Variants in PCCA observed in about 807,000 individuals in gnomAD.
PCCA encodes the protein propionyl-CoA carboxylase alpha chain, mitochondrial.
In PCCA, 74 loss-of-function variants were observed where a neutral mutation model predicts 101.3. The observed-to-expected ratio is 0.73, with a 90% confidence interval of 0.61 to 0.89. The LOEUF is 0.89. PCCA is among the 40% of genes least tolerant of loss of function. The probability of loss-of-function intolerance (pLI) is 0.00; values close to 1 mark genes in which losing one functional copy is unlikely to be tolerated. For missense variants in PCCA, 891 were observed against 907.0 expected, an observed-to-expected ratio of 0.98 and a Z score of 0.23; for synonymous variants, 294 against 313.6, an observed-to-expected ratio of 0.94 and a Z score of 0.66.
At chr13:100,375,286 A>G (rs1212448214) in intron 19 of PCCA, among the ~76,000 whole-genome samples, 4 of 152,256 alleles carry the variant, frequency 2.6e-5, no homozygotes, top group Middle Eastern at 3.4e-3. Flanking sequence ...TTTACTTCCA[A>G]TTAGGTGGTC....
intron 1 of PCCA, among the ~76,000 whole-genome samples, chr13:100,092,167 G>A (rs2046339582): frequency 6.6e-6 from 1 of 151,886 alleles, no homozygotes; most frequent in African/African-American, 2.4e-5. Flanking sequence ...CCACTGCCTT[G>A]GCCTCCCAAA....
At chr13:100,457,807 T>C (rs111812849) in intron 21 of PCCA, among the ~76,000 whole-genome samples, 96 of 152,278 alleles carry the variant, frequency 6.3e-4, no homozygotes, top group African/African-American at 2.1e-3. Flanking sequence ...GTGTGTCACT[T>C]TTGGTCAGAG....
chr13:100,473,841 T>C (rs2152958384), intron 21 of PCCA, among the ~76,000 whole-genome samples: 1 of 152,370 alleles, frequency 6.6e-6, no homozygotes, highest in African/African-American at 2.4e-5. Flanking sequence ...AGGGGAGACA[T>C]CTCTGGCTTA....
rs1421461379 is a variant in PCCA, at chr13:100,530,239, C to G, written c.*73C>G. ...ATGATGCTTTCACACACAATTGATT[C>G]AAGCATTATACAGGAACACCCCTGT... On this transcript the variant is annotated 3_prime_UTR_variant, in exon 24 of 24. Coordinates refer to ENST00000376285, the MANE Select transcript of PCCA (RefSeq NM_000282.4). The G allele has an allele frequency of 1.4e-5, 17 of 1,202,580 alleles. No homozygotes were observed. The highest frequency in any genetic ancestry group is 2.0e-5 in the Non-Finnish European group (16 of 808,660). The allele number at this position is 1,202,580 out of a possible 1,614,324, so 74.5% of individuals were successfully genotyped here. A position where few individuals can be genotyped will look rare whatever the true frequency, so the allele number is the denominator to read the frequency against.
chr13:100,387,963 C>T (rs187881333), intron 19 of PCCA, among the ~76,000 whole-genome samples: 417 of 152,272 alleles, frequency 2.7e-3, no homozygotes, highest in African/African-American at 9.2e-3. Context: ...TGTTATATTA[C>T]AGTTGGCAAA....
At chr13:100,195,928 A>G (rs553183767) in intron 6 of PCCA, among the ~76,000 whole-genome samples, 38 of 152,232 alleles carry the variant, frequency 2.5e-4, no homozygotes, top group South Asian at 1.9e-3. Context: ...TTTACAATCA[A>G]TGAGACTCTG....
At chr13:100,392,604 T>A (rs940978033) in intron 19 of PCCA, among the ~76,000 whole-genome samples, 1 of 152,328 alleles carries the variant, frequency 6.6e-6, no homozygotes, top group Admixed American at 6.5e-5. Flanking sequence ...AGAAATTTAA[T>A]CTCTTCTATA....
chr13:100,341,538 C>G (rs1234384954), intron 18 of PCCA, among the ~76,000 whole-genome samples: 1 of 152,136 alleles, frequency 6.6e-6, no homozygotes, highest in Non-Finnish European at 1.5e-5. Flanking sequence ...TCCATAGCCA[C>G]GCGTGGTTAG....
At chr13:100,356,070 A>C (rs1032194894) in intron 18 of PCCA, among the ~76,000 whole-genome samples, 3 of 152,154 alleles carry the variant, frequency 2.0e-5, no homozygotes, top group African/African-American at 7.2e-5. Context: ...GCACATGTAA[A>C]AGAATGAAGT....
chr13:100,110,206 C>T (rs2048186014), intron 2 of PCCA, among the ~76,000 whole-genome samples: 1 of 152,202 alleles, frequency 6.6e-6, no homozygotes, highest in Non-Finnish European at 1.5e-5. Flanking sequence ...ATAACTCTAA[C>T]TCTTCTTTTA....
intron 8 of PCCA, among the ~76,000 whole-genome samples, chr13:100,242,788 C>T (rs932937868): frequency 3.9e-5 from 6 of 152,084 alleles, no homozygotes; most frequent in Non-Finnish European, 8.8e-5. Flanking sequence ...ATGGATTGCT[C>T]TTTTCTTAAA....
intron 16 of PCCA, among the ~76,000 whole-genome samples, chr13:100,317,709 C>T (rs183278316): frequency 3.9e-4 from 60 of 152,300 alleles, no homozygotes; most frequent in Non-Finnish European, 4.4e-5. Flanking sequence ...ACCTCAACCT[C>T]CCTGGTAGCT....
intron 2 of PCCA, among the ~76,000 whole-genome samples, chr13:100,103,633 A>AT: frequency 6.7e-6 from 1 of 148,378 alleles, no homozygotes; most frequent in Non-Finnish European, 1.5e-5. Flanking sequence ...TAATATTTAT[A>AT]TTATTTATTT....
intron 4 of PCCA, among the ~76,000 whole-genome samples, chr13:100,117,943 T>C (rs936373760): frequency 2.6e-4 from 40 of 151,724 alleles, no homozygotes; most frequent in Middle Eastern, 3.4e-3. Flanking sequence ...GGTGAAACCC[T>C]GTCTCTACTA....
intron 19 of PCCA, among the ~76,000 whole-genome samples, chr13:100,385,501 A>G (rs1176266006): frequency 7.2e-5 from 11 of 152,264 alleles, no homozygotes; most frequent in African/African-American, 2.7e-4. Flanking sequence ...TGGCTCCTGC[A>G]CATATGATAA....
At chr13:100,477,082 G>A (rs962393117) in intron 21 of PCCA, among the ~76,000 whole-genome samples, 6 of 152,098 alleles carry the variant, frequency 3.9e-5, no homozygotes, top group East Asian at 1.9e-4. Context: ...TAATGACCGA[G>A]GGCACCTGCT....
intron 19 of PCCA, among the ~76,000 whole-genome samples, chr13:100,397,558 G>GTT (rs539516788): frequency 6.6e-6 from 1 of 151,864 alleles, no homozygotes; most frequent in South Asian, 2.1e-4. Flanking sequence ...TTGATTCAGT[G>GTT]TTTTTTTTGA....
chr13:100,438,890 A>G (rs1220087617), intron 20 of PCCA, among the ~76,000 whole-genome samples: 1 of 152,182 alleles, frequency 6.6e-6, no homozygotes, highest in East Asian at 1.9e-4. Flanking sequence ...AAAAATTACT[A>G]ATGTGATACC....
intron 6 of PCCA, among the ~76,000 whole-genome samples, chr13:100,200,302 C>T (rs972615436): frequency 6.6e-6 from 1 of 152,134 alleles, no homozygotes; most frequent in Non-Finnish European, 1.5e-5. Flanking sequence ...GATGGGGTTT[C>T]ACCATGTTAG....
Sources: gnomAD v4.1 joint callset for allele counts (sites outside exome capture counted in the v4.1 genomes callset) on GRCh38, gnomAD v4.1.1 for gene constraint, MANE v1.5 for transcripts, NCBI Gene and HGNC (gene_info 2026-07-23, HGNC 2026-07-21) for gene names.